The following RNLS variants were observed in gnomAD, a reference collection of about 807,000 sequenced individuals.
The protein encoded by RNLS is renalase, FAD dependent amine oxidase.
In RNLS, 39 loss-of-function variants were observed where a neutral mutation model predicts 39.8. The ratio of observed to expected loss-of-function variants is 0.98; its 90% CI spans 0.76 to 1.28. The LOEUF is 1.28. RNLS is among the 50% of genes most tolerant of loss of function. RNLS has a pLI of 0.00. For synonymous variants in RNLS, 147 were observed against 150.7 expected, an observed-to-expected ratio of 0.98 and a Z score of 0.18; for missense variants, 410 against 413.3, an observed-to-expected ratio of 0.99 and a Z score of 0.07.
chr10:88,334,244 T>G (rs928591628), intron 5 of RNLS, among the ~76,000 whole-genome samples: 1 of 152,262 alleles, frequency 6.6e-6, no homozygotes, highest in Non-Finnish European at 1.5e-5. Context: ...TAATGTTTGC[T>G]AATCTGTTAG....
intron 4 of RNLS, among the ~76,000 whole-genome samples, chr10:88,500,814 G>A (rs1845433410): frequency 6.6e-6 from 1 of 152,068 alleles, no homozygotes; most frequent in East Asian, 1.9e-4. Flanking sequence ...CCCTTTAAGA[G>A]ATTACTCACA....
chr10:88,475,487 T>G (rs1843762442), intron 4 of RNLS, among the ~76,000 whole-genome samples: 1 of 152,218 alleles, frequency 6.6e-6, no homozygotes, highest in Non-Finnish European at 1.5e-5. Flanking sequence ...TTCAATGATC[T>G]TTTTAACCCT....
chr10:88,336,064 G>A (rs556639472), intron 5 of RNLS, among the ~76,000 whole-genome samples: 32 of 152,242 alleles, frequency 2.1e-4, no homozygotes, highest in Non-Finnish European at 4.0e-4. Flanking sequence ...GAATGAACAC[G>A]GCAGGGTCAG....
At chr10:88,538,640 G>C (rs936683335) in intron 4 of RNLS, among the ~76,000 whole-genome samples, 5 of 151,984 alleles carry the variant, frequency 3.3e-5, no homozygotes, top group African/African-American at 1.2e-4. Flanking sequence ...TTAATCTTAT[G>C]AGGGCCTAAT....
chr10:88,476,723 T>C (rs1416372601), intron 4 of RNLS, among the ~76,000 whole-genome samples: 1 of 152,198 alleles, frequency 6.6e-6, no homozygotes, highest in Non-Finnish European at 1.5e-5. Flanking sequence ...AAAATATATG[T>C]ATTTAGCAAT....
chr10:88,348,802 G>C (rs1848485296), intron 5 of RNLS, among the ~76,000 whole-genome samples: 1 of 152,102 alleles, frequency 6.6e-6, no homozygotes, highest in African/African-American at 2.4e-5. Context: ...GGTTAATGTT[G>C]ACAGAAGACC....
At chr10:88,305,522 AG>A (rs1201887475) in intron 6 of RNLS, among the ~76,000 whole-genome samples, 7 of 152,350 alleles carry the variant, frequency 4.6e-5, no homozygotes, top group African/African-American at 1.7e-4. Context: ...AGAAGAAAGC[AG>A]GGGTTGCAAT....
chr10:88,368,581 C>T (rs80242263), intron 4 of RNLS, among the ~76,000 whole-genome samples: 4,256 of 152,056 alleles, frequency 0.028, 72 homozygotes, highest in Non-Finnish European at 0.037. Flanking sequence ...GTGATCACAT[C>T]GTACATATAA....
At chr10:88,254,252 G>A in the RNLS span, among the ~76,000 whole-genome samples, 1 of 152,212 alleles carries the variant, frequency 6.6e-6, no homozygotes, top group African/African-American at 2.4e-5. Context: ...GGGCCATGGT[G>A]TAACTGTGAC....
intron 4 of RNLS, among the ~76,000 whole-genome samples, chr10:88,462,544 T>G (rs1406091631): frequency 6.6e-6 from 1 of 151,972 alleles, no homozygotes; most frequent in African/African-American, 2.4e-5. Flanking sequence ...ATATACTGTC[T>G]TATAAATAAG....
intron 4 of RNLS, among the ~76,000 whole-genome samples, chr10:88,498,911 A>G (rs1314257448): frequency 6.6e-6 from 1 of 152,168 alleles, no homozygotes; most frequent in Non-Finnish European, 1.5e-5. Flanking sequence ...AATTATCTGG[A>G]AAGAACAAAC....
At chr10:88,366,079 G>A (rs748520771) in intron 4 of RNLS, among the ~76,000 whole-genome samples, 11 of 152,058 alleles carry the variant, frequency 7.2e-5, no homozygotes, top group Non-Finnish European at 1.6e-4. Flanking sequence ...CTACATACTC[G>A]TGGCAGAAAG....
Position 88,568,212 on chromosome 10 carries a change from C to T in RNLS, c.526+4691G>A, listed in dbSNP as rs568823127. On this transcript the variant is annotated intron_variant, in intron 4 of 6. Transcript: ENST00000331772. Reference sequence around the variant, plus strand: ...TGCATTAATTTGCTAAGGATGAGGGCCTCCAGCTCCATCATGACCTTTTAT... The same window carrying T: ...TGCATTAATTTGCTAAGGATGAGGGTCTCCAGCTCCATCATGACCTTTTAT... Among the ~76,000 whole-genome samples the T allele has an allele frequency of 4.6e-4, 70 of 152,176 alleles. No individual in the cohort carries two copies. In the South Asian group the frequency reaches 0.013, roughly 28 times the overall value.
intron 4 of RNLS, among the ~76,000 whole-genome samples, chr10:88,466,983 G>C (rs1019617814): frequency 6.6e-6 from 1 of 152,114 alleles, no homozygotes; most frequent in African/African-American, 2.4e-5. Flanking sequence ...CAATTTTACA[G>C]CTGAGTAACA....
At chr10:88,365,032 C>G (rs202213973) in intron 4 of RNLS, among the ~76,000 whole-genome samples, 8 of 152,064 alleles carry the variant, frequency 5.3e-5, no homozygotes, top group East Asian at 1.9e-4. Flanking sequence ...TCCCCACCCC[C>G]CTTTTTGCTA....
intron 4 of RNLS, among the ~76,000 whole-genome samples, chr10:88,417,673 T>C (rs576004151): frequency 6.6e-6 from 1 of 152,324 alleles, no homozygotes; most frequent in African/African-American, 2.4e-5. Context: ...TAAATATCTG[T>C]GTTATTATGA....
intron 4 of RNLS, among the ~76,000 whole-genome samples, chr10:88,448,258 A>G (rs932856346): frequency 6.6e-6 from 1 of 152,270 alleles, no homozygotes; most frequent in East Asian, 1.9e-4. Context: ...CAATATACTC[A>G]TCTGACAAAG....
At chr10:88,243,002 G>T in the RNLS span, among the ~76,000 whole-genome samples, 2 of 152,024 alleles carry the variant, frequency 1.3e-5, no homozygotes, top group African/African-American at 2.4e-5. Context: ...AGGAAACCTG[G>T]GTTTGGATAC....
At chr10:88,230,303 G>C in the RNLS span, among the ~76,000 whole-genome samples, 2 of 152,064 alleles carry the variant, frequency 1.3e-5, no homozygotes, top group African/African-American at 4.8e-5. Context: ...TTTTTTTGTA[G>C]TTCTGAAACT....
Sources: gnomAD v4.1 joint callset for allele counts (sites outside exome capture counted in the v4.1 genomes callset) on GRCh38, gnomAD v4.1.1 for gene constraint, MANE v1.5 for transcripts, NCBI Gene and HGNC (gene_info 2026-07-23, HGNC 2026-07-21) for gene names.